Variants in UBXN8 observed in about 807,000 individuals in gnomAD.
UBXN8 encodes UBX domain-containing protein 8.
In UBXN8, 27 loss-of-function variants were observed where a neutral mutation model predicts 32.1. The ratio of observed to expected loss-of-function variants is 0.84; its 90% CI spans 0.62 to 1.16. The LOEUF is 1.16. UBXN8 is among the 50% of genes most tolerant of loss of function. UBXN8 has a pLI of 0.00. For missense variants in UBXN8, 306 were observed against 311.4 expected, an observed-to-expected ratio of 0.98 and a Z score of 0.13; for synonymous variants, 109 against 111.8, an observed-to-expected ratio of 0.98 and a Z score of 0.16.
At chr8:30,730,295 C>T (rs955944728), upstream of UBXN8, among the ~76,000 whole-genome samples, 1 of 152,198 alleles carries the variant, frequency 6.6e-6, no homozygotes, top group Non-Finnish European at 1.5e-5. Context: ...TGTGCCAGCC[C>T]TTCACCTCTG....
chr8:30,763,421 G>A (rs1160164992), intron 7 of UBXN8, 74 bp downstream of exon 7: 46 of 1,415,758 alleles, frequency 3.2e-5, no homozygotes, highest in Non-Finnish European at 4.3e-5. Flanking sequence ...TGCCGTGGGG[G>A]AAGGTGTGAT....
At chr8:30,754,926 C>A in intron 4 of UBXN8, 139 bp downstream of exon 4, 6 of 938,066 alleles carry the variant, frequency 6.4e-6, no homozygotes, top group Non-Finnish European at 5.8e-6. Context: ...GTTCAGCATA[C>A]TTGTTTATTA....
At chr8:30,759,134 C>T (rs1805757541) in intron 5 of UBXN8, among the ~76,000 whole-genome samples, 1 of 151,774 alleles carries the variant, frequency 6.6e-6, no homozygotes, top group Non-Finnish European at 1.5e-5. Context: ...ACCTCATGAT[C>T]TGCCCTCCTC....
At chr8:30,731,471 T>G (rs1453377664), upstream of UBXN8, among the ~76,000 whole-genome samples, 1 of 152,190 alleles carries the variant, frequency 6.6e-6, no homozygotes, top group Non-Finnish European at 1.5e-5. Context: ...TGATTATCCC[T>G]TGCCCTTGTT....
upstream of UBXN8, among the ~76,000 whole-genome samples, chr8:30,739,460 C>T (rs1255279084): frequency 1.3e-5 from 2 of 152,134 alleles, no homozygotes; most frequent in African/African-American, 2.4e-5. Flanking sequence ...AGGAGAACGG[C>T]GTGAACCTGG....
upstream of UBXN8, among the ~76,000 whole-genome samples, chr8:30,730,764 T>C (rs1349299462): frequency 6.6e-6 from 1 of 152,256 alleles, no homozygotes; most frequent in African/African-American, 2.4e-5. Flanking sequence ...TTGATCCCGA[T>C]AGCCCTGAAA....
At chr8:30,755,760 G>GAAAA (rs34287599) in intron 4 of UBXN8, among the ~76,000 whole-genome samples, 469 of 84,224 alleles carry the variant, frequency 5.6e-3, no homozygotes, top group East Asian at 8.2e-3. Context: ...CCTTTCTCCA[G>GAAAA]AAAAAAAAAA....
At chr8:30,755,760 G>GAAAAAAA (rs34287599) in intron 4 of UBXN8, among the ~76,000 whole-genome samples, 2 of 88,914 alleles carry the variant, frequency 2.2e-5, no homozygotes, top group African/African-American at 1.0e-4. Context: ...CCTTTCTCCA[G>GAAAAAAA]AAAAAAAAAA....
intron 5 of UBXN8, 38 bp from the exon 6 acceptor site, chr8:30,760,850 A>G (rs1156378133): frequency 1.4e-6 from 2 of 1,412,720 alleles, no homozygotes; most frequent in African/African-American, 2.9e-5. Flanking sequence ...TTGCTTGTTG[A>G]ACATGTTTAC....
chr8:30,738,892 G>T (rs10087681), intron 1 of UBXN8, among the ~76,000 whole-genome samples: 17,457 of 150,054 alleles, frequency 0.12, 3,194 homozygotes, highest in African/African-American at 0.38. Context: ...GGAGACAGGG[G>T]TTACAGTGAG....
chr8:30,754,701 C>T lies in UBXN8; in HGVS notation c.319C>T (p.Gln107Ter). The change falls in exon 4 of 8, where the codon CAG becomes TAG. Residue 107 changes from glutamine to a stop codon, truncating the protein, a stop_gained. Coordinates refer to ENST00000265616, the MANE Select transcript of UBXN8 (RefSeq NM_005671.4). LOFTEE classifies it high-confidence loss of function. ...RYIENVLKPH[Q>*]EMKLRKLEER... ...CATAGAGAATGTTTTAAAACCTCACCAGGAAATGAAATTGAGAAAACTGGA... is the reference window on the plus strand; with the variant it reads ...CATAGAGAATGTTTTAAAACCTCACTAGGAAATGAAATTGAGAAAACTGGA... 6.4e-7 allele frequency: 1 copy of T among 1,561,550 alleles called. No individual in the cohort carries two copies. The highest frequency in any genetic ancestry group is 1.2e-5 in the South Asian group (1 of 80,422).
At position 30,766,316 on chromosome 8, in the gene UBXN8, GGGAGGCCAGTCGCT is replaced by G. The variant is rs368003857; in HGVS notation, c.741_754del (p.Gln248HisfsTer35). Reference sequence around the variant, plus strand: ...TTCCCAGACGGCCTCTGGCAGTGGAGGGAGGCCAGTCGCTGGAGGACATAGGAATAACTGTGGAC... The same window carrying G: ...TTCCCAGACGGCCTCTGGCAGTGGAGGGAGGACATAGGAATAACTGTGGAC... On this transcript the variant is annotated frameshift_variant, in exon 8 of 8. Coordinates refer to ENST00000265616, the MANE Select transcript of UBXN8 (RefSeq NM_005671.4). LOFTEE classifies it high-confidence loss of function. 9 of 1,613,880 alleles carry G rather than the reference GGGAGGCCAGTCGCT, an allele frequency of 5.6e-6. No individual in the cohort carries two copies. The highest frequency in any genetic ancestry group is 2.7e-5 in the African/African-American group (2 of 75,064).
chr8:30,735,563 G>A (rs550378291), intron 1 of UBXN8, among the ~76,000 whole-genome samples: 1 of 152,234 alleles, frequency 6.6e-6, no homozygotes, highest in Non-Finnish European at 1.5e-5. Context: ...ACAACGCCGA[G>A]CTCAGTGGCT....
chr8:30,757,435 C>A (rs559768512), intron 5 of UBXN8, among the ~76,000 whole-genome samples: 2 of 151,616 alleles, frequency 1.3e-5, no homozygotes, highest in African/African-American at 4.9e-5. Flanking sequence ...ACCTGTAATC[C>A]CAGCTACTGA....
chr8:30,729,973 CA>C (rs1804913543), upstream of UBXN8, among the ~76,000 whole-genome samples: 1 of 152,204 alleles, frequency 6.6e-6, no homozygotes, highest in African/African-American at 2.4e-5. Context: ...CGAGGGAAAT[CA>C]ACTCCTGAAG....
chr8:30,764,307 G>C (rs28394467), intron 7 of UBXN8, among the ~76,000 whole-genome samples: 2,265 of 152,162 alleles, frequency 0.015, 55 homozygotes, highest in African/African-American at 0.05. Flanking sequence ...TGAGTAGCTG[G>C]GACCAGGCAC....
intron 7 of UBXN8, among the ~76,000 whole-genome samples, chr8:30,764,879 G>A (rs1805957425): frequency 1.3e-5 from 2 of 151,984 alleles, no homozygotes; most frequent in Admixed American, 6.6e-5. Context: ...GTGAAACCTT[G>A]TCTCTACTAA....
chr8:30,744,096 CA>C (rs200700020), upstream of UBXN8: 1 of 1,123,462 alleles, frequency 8.9e-7, no homozygotes, highest in Non-Finnish European at 1.3e-6. Context: ...GACCCTCTCC[CA>C]GCCGGCCCGC....
In UBXN8 at chr8:30,753,769, C is replaced by T. The variant is rs1451143551; in HGVS notation, c.282+664C>T. On this transcript the variant is annotated intron_variant, in intron 3 of 7. Coordinates refer to ENST00000265616, the MANE Select transcript of UBXN8 (RefSeq NM_005671.4). ...ATAATATTCCATTGAATAGATATAC[C>T]ACTTTTTTTTTTTTTTTTTTTGAGA... is the stretch of plus-strand genomic sequence containing the variant. Among the ~76,000 whole-genome samples, 4 of 117,192 alleles carry T rather than the reference C, an allele frequency of 3.4e-5. No homozygotes were observed. The Admixed American group carries it at 4.8e-4, about 14-fold the overall frequency. 76.9% of individuals were successfully genotyped at this position (117,192 alleles called of 152,430 possible).
Sources: gnomAD v4.1 joint callset for allele counts (sites outside exome capture counted in the v4.1 genomes callset) on GRCh38, gnomAD v4.1.1 for gene constraint, MANE v1.5 for transcripts, NCBI Gene and HGNC (gene_info 2026-07-23, HGNC 2026-07-21) for gene names.